CNBD1: variants seen among roughly 807,000 people sequenced by gnomAD.
CNBD1 encodes cyclic nucleotide binding domain containing 1.
Under a neutral mutation model 54.4 loss-of-function variants are expected in CNBD1, and 71 were observed. That is an observed-to-expected ratio of 1.30 (90% CI 1.08 to 1.59). CNBD1 has a LOEUF of 1.59. Ranked by LOEUF, CNBD1 falls within the 40% of genes most tolerant of loss-of-function variation. The pLI, the probability that CNBD1 is intolerant of heterozygous loss-of-function variation, is 0.00. For missense variants in CNBD1, 659 were observed against 518.0 expected (o/e 1.27, Z -2.64); for synonymous variants, 182 against 170.7 (o/e 1.07, Z -0.51).
chr8:87,198,659 T>G (rs1471775786), intron 4 of CNBD1, among the ~76,000 whole-genome samples: 1 of 152,150 alleles, frequency 6.6e-6, no homozygotes, highest in East Asian at 1.9e-4. Flanking sequence ...GCAGAAGTTT[T>G]TATAGAAATA....
At chr8:86,873,793 A>C (rs1275490675) in intron 1 of CNBD1, among the ~76,000 whole-genome samples, 2 of 152,196 alleles carry the variant, frequency 1.3e-5, no homozygotes, top group Non-Finnish European at 2.9e-5. Context: ...ATTAAATTTA[A>C]ATTTTTAAAA....
intron 6 of CNBD1, among the ~76,000 whole-genome samples, chr8:87,238,401 C>T (rs1271480912): frequency 1.3e-5 from 2 of 152,032 alleles, no homozygotes; most frequent in Non-Finnish European, 2.9e-5. Flanking sequence ...CCAGTGAAGC[C>T]ACTGGGAAAC....
chr8:87,078,163 C>G (rs1409933166), intron 4 of CNBD1, among the ~76,000 whole-genome samples: 1 of 152,116 alleles, frequency 6.6e-6, no homozygotes, highest in Non-Finnish European at 1.5e-5. Context: ...AAGTGATAGA[C>G]CCAGAGAAGC....
chr8:87,282,352 GT>G (rs957724975), intron 6 of CNBD1, among the ~76,000 whole-genome samples: 1 of 151,478 alleles, frequency 6.6e-6, no homozygotes, highest in African/African-American at 2.4e-5. Flanking sequence ...ATTTACCAAT[GT>G]TTTTAGCTAA....
intron 3 of CNBD1, among the ~76,000 whole-genome samples, chr8:86,926,852 C>T (rs1809369476): frequency 6.6e-6 from 1 of 152,274 alleles, no homozygotes; most frequent in African/African-American, 2.4e-5. Context: ...AGTAGATAAA[C>T]TGGCTATTCT....
chr8:87,414,469 A>G lies in CNBD1; in HGVS notation c.214-14077A>G, dbSNP rs547032706. Among the ~76,000 whole-genome samples, 12 of 152,142 alleles carry G rather than the reference A, an allele frequency of 7.9e-5. 1 individual carries two copies. In the South Asian group the frequency reaches 2.5e-3, roughly 32 times the overall value. ...GCACACCAACATGGCACATGTATAC[A>G]TATGTAACAAACCTGCACATTGTGC... On this transcript the variant is annotated intron_variant, in intron 2 of 7. Transcript: ENST00000521593.
chr8:86,900,331 CTAGG>C (rs1808913887), intron 2 of CNBD1, among the ~76,000 whole-genome samples: 1 of 151,982 alleles, frequency 6.6e-6, no homozygotes, highest in South Asian at 2.1e-4. Context: ...GAGTCTGTGT[CTAGG>C]TAGTTTTTAA....
At chr8:87,002,542 C>A (rs985726224) in intron 4 of CNBD1, among the ~76,000 whole-genome samples, 1 of 151,858 alleles carries the variant, frequency 6.6e-6, no homozygotes, top group Non-Finnish European at 1.5e-5. Context: ...CTCAAAAATG[C>A]AAAATGTACC....
chr8:87,258,217 A>C (rs1808058656), intron 6 of CNBD1, among the ~76,000 whole-genome samples: 1 of 152,058 alleles, frequency 6.6e-6, no homozygotes, highest in Non-Finnish European at 1.5e-5. Flanking sequence ...TGTTTAAAAC[A>C]CTTGATATTG....
At position 86,949,095 on chromosome 8, in the gene CNBD1, T is replaced by C. The variant is rs773368127; in HGVS notation, c.431+9341T>C. 5.5e-4 allele frequency among the ~76,000 whole-genome samples: 84 copies of C among 152,196 alleles called. 1 individual carries two copies. Among genetic ancestry groups the C allele is most frequent in the Non-Finnish European group, 1.8e-4 (12 of 68,030 alleles). ...ATTTATTTGTGGGTTCTCTGTTCTG[T>C]TTCTTTGGTCTGTGTTTCTGTTTTT... On this transcript the variant is annotated intron_variant, in intron 4 of 10. Coordinates refer to ENST00000518476, the MANE Select transcript of CNBD1 (RefSeq NM_173538.3).
intron 4 of CNBD1, among the ~76,000 whole-genome samples, chr8:86,990,957 G>C (rs970480354): frequency 2.0e-5 from 3 of 151,960 alleles, no homozygotes; most frequent in Non-Finnish European, 4.4e-5. Flanking sequence ...TTGTACATGG[G>C]ATTACTTTTT....
intron 4 of CNBD1, among the ~76,000 whole-genome samples, chr8:87,141,539 T>C (rs1056747038): frequency 2.6e-5 from 4 of 152,080 alleles, no homozygotes; most frequent in African/African-American, 7.2e-5. Flanking sequence ...TCCAACCATT[T>C]TTAATATTTT....
At chr8:87,067,170 G>A (rs1178486162) in intron 4 of CNBD1, among the ~76,000 whole-genome samples, 1 of 151,954 alleles carries the variant, frequency 6.6e-6, no homozygotes, top group Non-Finnish European at 1.5e-5. Context: ...TTTAGAGATA[G>A]AATGTTAAAT....
At chr8:86,906,625 A>C (rs1189767831) in intron 3 of CNBD1, among the ~76,000 whole-genome samples, 1 of 152,236 alleles carries the variant, frequency 6.6e-6, no homozygotes, top group Non-Finnish European at 1.5e-5. Context: ...TGTTGATTAG[A>C]AAGAGACCTG....
In CNBD1 at chr8:87,132,818, T is replaced by TAC. The variant is rs984649835; in HGVS notation, c.432-73167_432-73166dup. ...ATGTGTATATATATACATATATATA[T>TAC]ACACACACATATATATATATAGTTC... On this transcript the variant is annotated intron_variant, in intron 4 of 10. Transcript: ENST00000518476. Among the ~76,000 whole-genome samples the TAC allele has an allele frequency of 1.4e-4, 21 of 148,368 alleles. 1 individual carries two copies. The highest frequency in any genetic ancestry group is 4.2e-4 in the African/African-American group (17 of 40,716).
At chr8:87,421,492 T>G (rs991202350) in intron 2 of CNBD1, among the ~76,000 whole-genome samples, 8 of 145,284 alleles carry the variant, frequency 5.5e-5, no homozygotes, top group Non-Finnish European at 9.0e-5. Flanking sequence ...GATCTCATTG[T>G]TCAATTCCCA....
intron 6 of CNBD1, among the ~76,000 whole-genome samples, chr8:87,281,470 C>G (rs567399171): frequency 1.4e-5 from 2 of 143,640 alleles, no homozygotes; most frequent in Non-Finnish European, 3.0e-5. Context: ...TCTAACTGTT[C>G]ATTTTTTAAA....
At chr8:87,345,444 C>T (rs1810152786) in intron 8 of CNBD1, among the ~76,000 whole-genome samples, 1 of 152,074 alleles carries the variant, frequency 6.6e-6, no homozygotes, top group Admixed American at 6.5e-5. Flanking sequence ...CAGAAGTCCC[C>T]CAAGTATCAG....
intron 4 of CNBD1, among the ~76,000 whole-genome samples, chr8:87,052,685 G>C (rs969178869): frequency 6.6e-6 from 1 of 152,096 alleles, no homozygotes; most frequent in African/African-American, 2.4e-5. Flanking sequence ...TTGGCTATAG[G>C]AGACATGTTG....
Sources: gnomAD v4.1 joint callset for allele counts (sites outside exome capture counted in the v4.1 genomes callset) on GRCh38, gnomAD v4.1.1 for gene constraint, MANE v1.5 for transcripts, NCBI Gene and HGNC (gene_info 2026-07-23, HGNC 2026-07-21) for gene names.